Variants in ZFAND4 observed in about 807,000 individuals in gnomAD.
ZFAND4 encodes AN1-type zinc finger protein 4.
ZFAND4 carries 43 observed loss-of-function variants against 64.4 expected under a neutral mutation model. The observed-to-expected ratio is 0.67, with a 90% CI of 0.52 to 0.86. The LOEUF is 0.86. Ranked by LOEUF, ZFAND4 falls within the 40% of genes least tolerant of loss-of-function variation. The pLI is 0.00. For missense variants in ZFAND4, 929 were observed against 859.8 expected, an observed-to-expected ratio of 1.08 and a Z score of -1.01; for synonymous variants, 296 against 305.7, an observed-to-expected ratio of 0.97 and a Z score of 0.33.
At position 45,672,526 on chromosome 10, in the gene ZFAND4, G is replaced by C. The variant is rs1345535084; in HGVS notation, c.-394C>G. On this transcript the variant is annotated 5_prime_UTR_variant, in exon 1 of 10. Coordinates refer to ENST00000344646, the MANE Select transcript of ZFAND4 (RefSeq NM_174890.4). ...GGCCGCAAGGCGAGGGGCGGGGACA[G>C]GACTCTACCCGGCAGCCCAGCGCCG... 3 of 152,268 alleles carry C rather than the reference G, an allele frequency of 2.0e-5. No homozygotes were observed. The highest frequency in any genetic ancestry group is 3.8e-4 in the East Asian group (2 of 5,198). 9.4% of individuals were successfully genotyped at this position (152,268 alleles called of 1,614,324 possible). A position where few individuals can be genotyped will look rare whatever the true frequency, so the allele number is the denominator to read the frequency against.
intron 7 of ZFAND4, 97 bp from the exon 8 acceptor site, chr10:45,624,734 G>A: frequency 4.0e-6 from 4 of 997,692 alleles, no homozygotes; most frequent in Non-Finnish European, 6.0e-6. Context: ...CTAAGATGCT[G>A]TTGGACTTTC....
At chr10:45,650,219 C>T (rs1162829938) in intron 4 of ZFAND4, 2 of 152,084 alleles carry the variant, frequency 1.3e-5, no homozygotes, top group African/African-American at 4.8e-5. Flanking sequence ...TGTAGTGGCG[C>T]AGTCTCCACT....
At chr10:45,640,451 A>G (rs1247940457) in intron 5 of ZFAND4, 1 of 1,208,010 alleles carries the variant, frequency 8.3e-7, no homozygotes, top group Non-Finnish European at 1.1e-6. Context: ...AAGAATTCAT[A>G]CACAGGTGTC....
At chr10:45,632,256 A>G (rs1205012362) in intron 6 of ZFAND4, among the ~76,000 whole-genome samples, 1 of 152,042 alleles carries the variant, frequency 6.6e-6, no homozygotes, top group East Asian at 1.9e-4. Flanking sequence ...TACTCAGAAG[A>G]CTGAGGCAGG....
In ZFAND4 at chr10:45,616,202, A is replaced by C; in HGVS notation, c.*234T>G. On this transcript the variant is annotated 3_prime_UTR_variant, in exon 10 of 10. Coordinates refer to ENST00000344646, the MANE Select transcript of ZFAND4 (RefSeq NM_174890.4). ...AAACACTTAACACAAGACATGCAAT[A>C]ACAAAGCTAAATCATTCCAGTGTAA... The C allele has an allele frequency of 2.0e-6, 1 of 501,152 alleles. No individual in the cohort carries two copies. Among genetic ancestry groups the C allele is most frequent in the Non-Finnish European group, 3.4e-6 (1 of 290,286 alleles). 31.0% of individuals were successfully genotyped at this position (501,152 alleles called of 1,614,324 possible).
At chr10:45,640,683 G>T (rs147578286) in intron 5 of ZFAND4, among the ~76,000 whole-genome samples, 2 of 152,002 alleles carry the variant, frequency 1.3e-5, no homozygotes, top group African/African-American at 4.8e-5. Context: ...GTAGAGACAG[G>T]GTTTCACTGT....
At chr10:45,619,202 C>T (rs922081359) in intron 8 of ZFAND4, among the ~76,000 whole-genome samples, 5 of 147,326 alleles carry the variant, frequency 3.4e-5, no homozygotes, top group African/African-American at 1.2e-4. Flanking sequence ...CCACGCTCAG[C>T]TTTTTTTTTT....
chr10:45,661,245 G>A (rs1471516217), intron 2 of ZFAND4, among the ~76,000 whole-genome samples: 1 of 152,148 alleles, frequency 6.6e-6, no homozygotes, highest in African/African-American at 2.4e-5. Flanking sequence ...GATACAGAGA[G>A]ATTAAGTAAT....
intron 1 of ZFAND4, among the ~76,000 whole-genome samples, chr10:45,667,406 T>C (rs2048892240): frequency 6.6e-6 from 1 of 151,742 alleles, no homozygotes; most frequent in Non-Finnish European, 1.5e-5. Context: ...GATCATGTCA[T>C]TTACAAATAG....
intron 6 of ZFAND4, among the ~76,000 whole-genome samples, chr10:45,628,713 C>T (rs2046002586): frequency 6.6e-6 from 1 of 151,904 alleles, no homozygotes; most frequent in South Asian, 2.1e-4. Context: ...TTTCTCCATG[C>T]TCCAGAAAAA....
intron 2 of ZFAND4, among the ~76,000 whole-genome samples, chr10:45,655,763 G>T (rs911549434): frequency 3.3e-5 from 5 of 152,190 alleles, no homozygotes; most frequent in African/African-American, 1.2e-4. Flanking sequence ...AAATCTAGAT[G>T]AAATGGATAA....
At chr10:45,662,571 A>G (rs753274216) in intron 2 of ZFAND4, 12 of 984,212 alleles carry the variant, frequency 1.2e-5, no homozygotes, top group Non-Finnish European at 1.4e-5. Context: ...TCATGACTCT[A>G]GATCTCACCA....
At chr10:45,651,426 T>C (rs2133788490) in intron 4 of ZFAND4, 1 of 368,188 alleles carries the variant, frequency 2.7e-6, no homozygotes, top group South Asian at 2.2e-5. Flanking sequence ...CTACCATACT[T>C]GGAACATTGC....
intron 2 of ZFAND4, among the ~76,000 whole-genome samples, chr10:45,657,632 G>GT (rs1302865154): frequency 6.6e-6 from 1 of 152,122 alleles, no homozygotes; most frequent in Admixed American, 6.5e-5. Flanking sequence ...ATAAAAATGT[G>GT]TATGTGAAAG....
At chr10:45,668,171 A>C (rs2048956036) in intron 1 of ZFAND4, among the ~76,000 whole-genome samples, 1 of 152,196 alleles carries the variant, frequency 6.6e-6, no homozygotes. Flanking sequence ...ATTTGATCTG[A>C]AAATATTTCC....
At chr10:45,627,218 C>T in intron 6 of ZFAND4, 113 bp from the exon 7 acceptor site, 3 of 746,070 alleles carry the variant, frequency 4.0e-6, no homozygotes, top group Non-Finnish European at 6.0e-6. Flanking sequence ...TTTTTACTAT[C>T]TCAATTTAAA....
At position 45,616,589 on chromosome 10, in the gene ZFAND4, T is replaced by G; in HGVS notation, c.2049-18A>C. The stretch of plus-strand genomic sequence containing the variant: ...TTCCACATCTAAAGCACAAAAAAAG[T>G]TTACGTGAATAGTTGTATTTCTATG... On this transcript the variant is annotated intron_variant, in intron 9 of 9. Transcript: ENST00000344646. 1.2e-6 allele frequency: 2 copies of G among 1,613,322 alleles called. No homozygotes were observed. The highest frequency in any genetic ancestry group is 8.5e-7 in the Non-Finnish European group (1 of 1,179,684).
Position 45,648,365 on chromosome 10 carries a change from C to G in ZFAND4, c.498G>C (p.Pro166=). Residue 166 remains proline, a synonymous_variant, in exon 5 of 10, where the codon CCG becomes CCC. Transcript: ENST00000344646. Reference sequence around the variant, plus strand: ...CTATTTTCTTTGAAGAGTCAGATAACGGTGTTAAAGTGCCATCTCCCCTAT... The same window carrying G: ...CTATTTTCTTTGAAGAGTCAGATAAGGGTGTTAAAGTGCCATCTCCCCTAT... The part of the protein sequence containing the change: ...AVDRGDGTLT[P]LSDSSKKIDF... The G allele has an allele frequency of 1.9e-6, 3 of 1,613,738 alleles. No individual in the cohort carries two copies. Among genetic ancestry groups the G allele is most frequent in the Middle Eastern group, 1.6e-4 (1 of 6,062 alleles).
At position 45,616,160 on chromosome 10, in the gene ZFAND4, C is replaced by A; in HGVS notation, c.*276G>T. 5.9e-6 allele frequency: 2 copies of A among 338,798 alleles called. No individual in the cohort carries two copies. Among genetic ancestry groups the A allele is most frequent in the South Asian group, 4.5e-5 (1 of 22,232 alleles). The allele number at this position is 338,798 out of a possible 1,614,324, so 21.0% of individuals were successfully genotyped here. On this transcript the variant is annotated 3_prime_UTR_variant, in exon 10 of 10. Coordinates refer to ENST00000344646, the MANE Select transcript of ZFAND4 (RefSeq NM_174890.4). ...TCTTTTGAAGATTTGCCTAGTAAAA[C>A]TGCAATATCATATACAAAACACTTA...
Sources: gnomAD v4.1 joint callset for allele counts (sites outside exome capture counted in the v4.1 genomes callset) on GRCh38, gnomAD v4.1.1 for gene constraint, MANE v1.5 for transcripts, NCBI Gene and HGNC (gene_info 2026-07-23, HGNC 2026-07-21) for gene names.